KCNMA1: variants seen among roughly 807,000 people sequenced by gnomAD.
KCNMA1 encodes the protein potassium calcium-activated channel subfamily M alpha 1, also known as Calcium-activated potassium channel subunit alpha-1.
Under a neutral mutation model 140.0 loss-of-function variants are expected in KCNMA1, and 29 were observed. The observed-to-expected ratio is 0.21, with a 90% CI of 0.15 to 0.28. The LOEUF (loss-of-function observed/expected upper bound fraction) is 0.28, where lower values mean the gene tolerates loss of function less well. Among genes scored for constraint, KCNMA1 ranks in the 10% least tolerant of loss-of-function variants. KCNMA1 has a pLI of 1.00. For missense variants in KCNMA1, 880 were observed against 1,602.2 expected, an observed-to-expected ratio of 0.55 and a Z score of 7.70; for synonymous variants, 612 against 611.9, an observed-to-expected ratio of 1.00 and a Z score of 0.00.
intron 1 of KCNMA1, among the ~76,000 whole-genome samples, chr10:77,605,297 T>G (rs914496667): frequency 6.6e-6 from 1 of 152,218 alleles, no homozygotes; most frequent in African/African-American, 2.4e-5. Context: ...AGAGCTGGCA[T>G]GGTGCCTGCA....
chr10:76,906,294 C>A (rs1170179475), intron 25 of KCNMA1, among the ~76,000 whole-genome samples: 1 of 152,204 alleles, frequency 6.6e-6, no homozygotes, highest in Non-Finnish European at 1.5e-5. Context: ...CCTGGTGCGA[C>A]TGTGTGCATC....
intron 15 of KCNMA1, among the ~76,000 whole-genome samples, chr10:77,037,496 G>A (rs1383478724): frequency 6.6e-6 from 1 of 152,160 alleles, no homozygotes; most frequent in African/African-American, 2.4e-5. Context: ...GAGCCTGTAG[G>A]GGGAGCAGTC....
chr10:76,889,469 G>A lies in KCNMA1; in HGVS notation c.3443C>T (p.Pro1148Leu), dbSNP rs1356235297. The A allele has an allele frequency of 6.2e-7, 1 of 1,611,554 alleles. No homozygotes were observed. Among genetic ancestry groups the A allele is most frequent in the Non-Finnish European group, 8.5e-7 (1 of 1,177,706 alleles). ...TACTCACCTCTTTGTGCACTGACTG[G>A]GGGTGCTGAGGTGAGCATCTCTCAG... The part of the protein sequence containing the change: ...YRLRDAHLST[P>L]SQCTKRYVIT... The change falls in exon 27 of 28, where the codon CCC becomes CTC. Residue 1148 changes from proline to leucine, a missense_variant. Transcript: ENST00000286628.
At chr10:77,269,016 A>C (rs1311261065) in intron 2 of KCNMA1, among the ~76,000 whole-genome samples, 1 of 152,122 alleles carries the variant, frequency 6.6e-6, no homozygotes, top group Non-Finnish European at 1.5e-5. Context: ...GCCTTGATAT[A>C]AGCTGCTTTC....
intron 17 of KCNMA1, among the ~76,000 whole-genome samples, chr10:77,016,193 C>T (rs1320133858): frequency 6.6e-6 from 1 of 152,092 alleles, no homozygotes; most frequent in Non-Finnish European, 1.5e-5. Flanking sequence ...CTATCTGATC[C>T]CTGCCTGATG....
exon 28 of KCNMA1, chr10:76,871,659 T>C (rs1020124782): frequency 1.3e-5 from 2 of 152,216 alleles, no homozygotes; most frequent in African/African-American, 4.8e-5. Flanking sequence ...CAATTAGCAG[T>C]TACTGATTAA....
At chr10:77,094,020 G>A (rs2096872725) in intron 9 of KCNMA1, among the ~76,000 whole-genome samples, 2 of 152,334 alleles carry the variant, frequency 1.3e-5, no homozygotes, top group East Asian at 1.9e-4. Context: ...CAGAGCTGGT[G>A]CCTGATTCAT....
At chr10:77,413,512 A>G (rs1461359328) in intron 1 of KCNMA1, among the ~76,000 whole-genome samples, 1 of 152,182 alleles carries the variant, frequency 6.6e-6, no homozygotes, top group African/African-American at 2.4e-5. Flanking sequence ...CAAATCAAGC[A>G]TAGCATGGGC....
chr10:76,970,387 C>A (rs1188099014), intron 19 of KCNMA1: 1 of 297,978 alleles, frequency 3.4e-6, no homozygotes, highest in African/African-American at 2.2e-5. Context: ...AAATACTTAT[C>A]ATTATTCTTA....
intron 1 of KCNMA1, among the ~76,000 whole-genome samples, chr10:77,553,863 T>C (rs1419531921): frequency 6.6e-6 from 1 of 152,174 alleles, no homozygotes; most frequent in East Asian, 1.9e-4. Context: ...ACAGACATGG[T>C]TCTAAAACCT....
chr10:77,424,977 G>A (rs1052704633), intron 1 of KCNMA1, among the ~76,000 whole-genome samples: 6 of 152,364 alleles, frequency 3.9e-5, no homozygotes, highest in Admixed American at 1.3e-4. Flanking sequence ...AACTGTGCTC[G>A]TTGTCTACAC....
chr10:77,613,672 G>A (rs1383484452), intron 1 of KCNMA1, among the ~76,000 whole-genome samples: 1 of 152,196 alleles, frequency 6.6e-6, no homozygotes, highest in Admixed American at 6.5e-5. Context: ...TCTCCGACAG[G>A]ATGTTTGCGT....
In KCNMA1 at chr10:77,637,373, G is replaced by A. The variant is rs138473123; in HGVS notation, c.270C>T (p.Phe90=). ...AGAAAGTCACCATGGAGGAGGCCAG[G>A]AAAGCCCACCACATGCGTTGGCCCC... ...DSRGQRMWWA[F]LASSMVTFFG... The change falls in exon 1 of 28, where the codon TTC becomes TTT. Residue 90 remains phenylalanine, a synonymous_variant. Transcript: ENST00000286628. The A allele has an allele frequency of 5.6e-6, 9 of 1,613,860 alleles. No individual in the cohort carries two copies. The highest frequency in any genetic ancestry group is 7.6e-6 in the Non-Finnish European group (9 of 1,179,974).
chr10:77,413,085 T>C (rs1483921175), intron 1 of KCNMA1, among the ~76,000 whole-genome samples: 9 of 152,250 alleles, frequency 5.9e-5, no homozygotes, highest in Non-Finnish European at 1.5e-5. Flanking sequence ...CTCAAACTTC[T>C]GACCTCAAGT....
chr10:77,272,562 C>A (rs1374569521), intron 2 of KCNMA1, among the ~76,000 whole-genome samples: 1 of 152,050 alleles, frequency 6.6e-6, no homozygotes, highest in African/African-American at 2.4e-5. Context: ...GAATAAAGCA[C>A]AAATCTTAAA....
chr10:77,469,624 C>T (rs1308713354), intron 1 of KCNMA1, among the ~76,000 whole-genome samples: 2 of 152,148 alleles, frequency 1.3e-5, no homozygotes, highest in East Asian at 3.9e-4. Context: ...AGAGGTATCA[C>T]CCACAAGCCC....
intron 2 of KCNMA1, among the ~76,000 whole-genome samples, chr10:77,311,175 C>T (rs1456033606): frequency 6.6e-6 from 1 of 152,206 alleles, no homozygotes; most frequent in Non-Finnish European, 1.5e-5. Flanking sequence ...AGAATCACCA[C>T]AATGCATGCC....
chr10:77,338,634 C>T (rs1036310771), intron 2 of KCNMA1, among the ~76,000 whole-genome samples: 2 of 152,154 alleles, frequency 1.3e-5, no homozygotes, highest in South Asian at 2.1e-4. Context: ...GCTCATCCTA[C>T]GAGCTTTGAA....
In KCNMA1 at chr10:77,618,839, G is replaced by A. The variant is rs577681516; in HGVS notation, c.378+18426C>T. On this transcript the variant is annotated intron_variant, in intron 1 of 27. Coordinates refer to ENST00000286628, the MANE Select transcript of KCNMA1 (RefSeq NM_001161352.2). ...AGGGACTTTCTTCTCTAGAAATCCC[G>A]TTGTTAATCACTTACCAGCACATCC... Among the ~76,000 whole-genome samples, 50 of 152,300 alleles carry A rather than the reference G, an allele frequency of 3.3e-4. No homozygotes were observed. The South Asian group carries it at 6.4e-3, about 20-fold the overall frequency.
Sources: gnomAD v4.1 joint callset for allele counts (sites outside exome capture counted in the v4.1 genomes callset) on GRCh38, gnomAD v4.1.1 for gene constraint, MANE v1.5 for transcripts, NCBI Gene and HGNC (gene_info 2026-07-23, HGNC 2026-07-21) for gene names.